The following SHISAL1 variants were observed in gnomAD, a reference collection of about 807,000 sequenced individuals.
The protein encoded by SHISAL1 is protein shisa-like-1.
Under a neutral mutation model 22.6 loss-of-function variants are expected in SHISAL1, and 9 were observed. That is an observed-to-expected ratio of 0.40 (90% confidence interval 0.24 to 0.70). The LOEUF (loss-of-function observed/expected upper bound fraction) is 0.70. Among genes scored for constraint, SHISAL1 ranks in the 30% least tolerant of loss-of-function variants. The probability of loss-of-function intolerance (pLI) is 0.39; values close to 1 mark genes in which losing one functional copy is unlikely to be tolerated. For synonymous variants in SHISAL1, 119 were observed against 115.4 expected, an observed-to-expected ratio of 1.03 and a Z score of -0.20; for missense variants, 246 against 270.6, an observed-to-expected ratio of 0.91 and a Z score of 0.64.
intron 4 of SHISAL1, among the ~76,000 whole-genome samples, chr22:44,269,184 A>G (rs2743847): frequency 0.51 from 77,352 of 150,358 alleles, 20,994 homozygotes; most frequent in Non-Finnish European, 0.61. Flanking sequence ...TATCACATAC[A>G]TATGCCATAC....
chr22:44,263,323 G>A (rs150810398), intron 4 of SHISAL1, among the ~76,000 whole-genome samples: 2,019 of 152,090 alleles, frequency 0.013, 32 homozygotes, highest in African/African-American at 0.045. Context: ...TGCCCACCTT[G>A]GCCTCCCAAA....
the SHISAL1 span, among the ~76,000 whole-genome samples, chr22:44,327,810 C>T: frequency 1.3e-5 from 2 of 152,152 alleles, no homozygotes; most frequent in Non-Finnish European, 2.9e-5. Context: ...CCAGGGTGGG[C>T]AGGGCCTCGG....
intron 1 of SHISAL1, among the ~76,000 whole-genome samples, chr22:44,309,216 C>A (rs991113005): frequency 6.6e-6 from 1 of 152,300 alleles, no homozygotes; most frequent in African/African-American, 2.4e-5. Context: ...CAGTTCTGGG[C>A]GTGGGGGATT....
chr22:44,323,574 T>TCCAC, the SHISAL1 span, among the ~76,000 whole-genome samples: 1 of 132,792 alleles, frequency 7.5e-6, no homozygotes, highest in African/African-American at 2.8e-5. Context: ...CATCCATCCA[T>TCCAC]CCACCCACCT....
intron 1 of SHISAL1, among the ~76,000 whole-genome samples, chr22:44,303,761 T>C (rs1052502450): frequency 6.6e-6 from 1 of 152,150 alleles, no homozygotes; most frequent in South Asian, 2.1e-4. Context: ...ACCTGCATAC[T>C]TGGGGGCAGG....
At chr22:44,253,676 A>G (rs1310854917) in intron 4 of SHISAL1, among the ~76,000 whole-genome samples, 4 of 150,988 alleles carry the variant, frequency 2.6e-5, no homozygotes, top group Non-Finnish European at 5.9e-5. Context: ...TCCTGACCAC[A>G]TGTGATCTGC....
chr22:44,283,525 G>A (rs2055290718), intron 4 of SHISAL1, among the ~76,000 whole-genome samples: 1 of 152,202 alleles, frequency 6.6e-6, no homozygotes, highest in African/African-American at 2.4e-5. Flanking sequence ...GGATGAGATC[G>A]GGGAGCTGTT....
chr22:44,251,336 T>C (rs2055046101), intron 4 of SHISAL1, among the ~76,000 whole-genome samples: 1 of 152,216 alleles, frequency 6.6e-6, no homozygotes, highest in Non-Finnish European at 1.5e-5. Context: ...GAAAAACATG[T>C]TGAACAGATT....
At chr22:44,294,927 C>T (rs902926060) in intron 3 of SHISAL1, among the ~76,000 whole-genome samples, 1 of 152,030 alleles carries the variant, frequency 6.6e-6, no homozygotes, top group Admixed American at 6.5e-5. Context: ...CTCTAAAATG[C>T]TATGAAAGAA....
chr22:44,325,784 C>G, the SHISAL1 span, among the ~76,000 whole-genome samples: 4 of 151,824 alleles, frequency 2.6e-5, no homozygotes, highest in Non-Finnish European at 4.4e-5. Flanking sequence ...CACAAAGGAA[C>G]CTTCATAACG....
rs186720378 is a variant in SHISAL1, at chr22:44,262,642, C to T, written c.*-12957G>A. ...GTGGAGCTTGGCCTGTGCTGCTGAC[C>T]GCAGGGCCACACGGCCAGCCCCTCT... On this transcript the variant is annotated intron_variant, in intron 4 of 4. Transcript: ENST00000381176. 3.7e-3 allele frequency among the ~76,000 whole-genome samples: 561 copies of T among 152,322 alleles called. 2 individuals are homozygous for T. The highest frequency in any genetic ancestry group is 0.013 in the African/African-American group (535 of 41,584).
the SHISAL1 span, among the ~76,000 whole-genome samples, chr22:44,330,715 A>C: frequency 1.3e-5 from 2 of 152,144 alleles, no homozygotes; most frequent in African/African-American, 4.8e-5. Flanking sequence ...AATGATAATA[A>C]TAATTAGAAT....
chr22:44,321,901 CA>C, the SHISAL1 span, among the ~76,000 whole-genome samples: 1 of 152,288 alleles, frequency 6.6e-6, no homozygotes, highest in South Asian at 2.1e-4. Context: ...CTCCTGGGTT[CA>C]GACTCCTGCA....
chr22:44,279,289 C>T (rs1039050556), intron 4 of SHISAL1, among the ~76,000 whole-genome samples: 6 of 152,210 alleles, frequency 3.9e-5, no homozygotes, highest in Admixed American at 3.9e-4. Flanking sequence ...AGCTGGAACC[C>T]CCAAGGAGCT....
At chr22:44,261,099 A>ATATATATATATATATAT (rs2055120697) in intron 4 of SHISAL1, among the ~76,000 whole-genome samples, 1 of 129,570 alleles carries the variant, frequency 7.7e-6, no homozygotes, top group Non-Finnish European at 1.5e-5. Flanking sequence ...ATATATATAT[A>ATATATATATATATATAT]CACTATATGG....
chr22:44,274,772 A>G lies in SHISAL1; in HGVS notation c.599+10656T>C, dbSNP rs1280727866. 3.3e-5 allele frequency among the ~76,000 whole-genome samples: 5 copies of G among 152,222 alleles called. No individual in the cohort carries two copies. In the East Asian group the frequency reaches 9.6e-4, roughly 29 times the overall value. The stretch of plus-strand genomic sequence containing the variant: ...AGGGAGAAAAACGCAAAGCAGTCCT[A>G]TCTGTGTGTGAGCGGGATCCCGAGC... On this transcript the variant is annotated intron_variant, in intron 4 of 4. Coordinates refer to ENST00000381176, the MANE Select transcript of SHISAL1 (RefSeq NM_001099294.2).
At chr22:44,266,504 TGTGTGTGTTGGGGGCTTTG>T (rs1211750871) in intron 4 of SHISAL1, among the ~76,000 whole-genome samples, 12 of 113,802 alleles carry the variant, frequency 1.1e-4, no homozygotes, top group Admixed American at 3.6e-4. Flanking sequence ...CTCTGGTGTA[TGTGTGTGTTGGGGGCTTTG>T]GGGTATGTGT....
At chr22:44,322,135 G>A in the SHISAL1 span, among the ~76,000 whole-genome samples, 14 of 152,340 alleles carry the variant, frequency 9.2e-5, no homozygotes, top group African/African-American at 2.2e-4. Context: ...TAGTGGCTGC[G>A]TGCCCTTGGG....
chr22:44,274,091 C>T (rs2055223430), intron 4 of SHISAL1, among the ~76,000 whole-genome samples: 1 of 104,900 alleles, frequency 9.5e-6, no homozygotes. Flanking sequence ...ACTAAAAATA[C>T]AAAAATTAGG....
Sources: allele counts gnomAD v4.1 joint callset (sites outside exome capture counted in the v4.1 genomes callset), GRCh38; gene constraint gnomAD v4.1.1; transcripts MANE v1.5; gene names NCBI Gene and HGNC (gene_info 2026-07-23, HGNC 2026-07-21).